The following CUX2 variants were observed in gnomAD, a reference collection of about 807,000 sequenced individuals.
CUX2 encodes the protein homeobox protein cut-like 2.
Under a neutral mutation model 144.8 loss-of-function variants are expected in CUX2, and 40 were observed. The ratio of observed to expected loss-of-function variants is 0.28; its 90% CI spans 0.21 to 0.36. CUX2 has a LOEUF of 0.36. Ranked by LOEUF, CUX2 falls within the 10% of genes least tolerant of loss-of-function variation. The pLI, the probability that CUX2 is intolerant of heterozygous loss-of-function variation, is 1.00. For missense variants in CUX2, 1,615 were observed against 1,994.0 expected, an observed-to-expected ratio of 0.81 and a Z score of 3.62; for synonymous variants, 827 against 875.6, an observed-to-expected ratio of 0.94 and a Z score of 0.98.
chr12:111,153,963 T>G (rs1426859011), intron 1 of CUX2, among the ~76,000 whole-genome samples: 1 of 152,180 alleles, frequency 6.6e-6, no homozygotes, highest in African/African-American at 2.4e-5. Flanking sequence ...TCATTTCTTC[T>G]GTGTTTCTGG....
At chr12:111,313,900 C>T (rs1389347227) in intron 16 of CUX2, among the ~76,000 whole-genome samples, 1 of 152,204 alleles carries the variant, frequency 6.6e-6, no homozygotes, top group Non-Finnish European at 1.5e-5. Flanking sequence ...GACTGAGACC[C>T]TGGACTCCGG....
intron 1 of CUX2, among the ~76,000 whole-genome samples, chr12:111,173,084 C>T (rs1186238901): frequency 6.6e-6 from 1 of 152,220 alleles, no homozygotes; most frequent in African/African-American, 2.4e-5. Context: ...AGGTTTTTAT[C>T]TGGAAGCTGT....
At chr12:111,238,182 A>G (rs969175861) in intron 3 of CUX2, among the ~76,000 whole-genome samples, 3 of 152,216 alleles carry the variant, frequency 2.0e-5, no homozygotes, top group African/African-American at 4.8e-5. Context: ...AGGACCTTTT[A>G]CAACGCTTAG....
rs558837961 is a variant in CUX2 at position 111,336,730 on chromosome 12, G to A, written c.3197-1556G>A. Reference sequence around the variant, plus strand: ...CCCAAAATGCAGGGGTTACAGGTGTGAGCCACCGTGCCCAGCCCACACTTC... The same window carrying A: ...CCCAAAATGCAGGGGTTACAGGTGTAAGCCACCGTGCCCAGCCCACACTTC... On this transcript the variant is annotated intron_variant, in intron 19 of 21. Transcript: ENST00000261726. Among the ~76,000 whole-genome samples the A allele has an allele frequency of 5.3e-5, 8 of 151,898 alleles. No homozygotes were observed. The South Asian group carries it at 1.0e-3, about 20-fold the overall frequency.
At chr12:111,158,162 G>C (rs1877516026) in intron 1 of CUX2, among the ~76,000 whole-genome samples, 2 of 152,144 alleles carry the variant, frequency 1.3e-5, no homozygotes, top group Admixed American at 1.3e-4. Context: ...TGAAAACGGA[G>C]GATCAGGGAT....
At chr12:111,230,880 G>T (rs975565021) in intron 3 of CUX2, among the ~76,000 whole-genome samples, 1 of 152,132 alleles carries the variant, frequency 6.6e-6, no homozygotes, top group Non-Finnish European at 1.5e-5. Context: ...GTTGACAGGG[G>T]GCTGGGAAGA....
Position 111,276,075 on chromosome 12 carries a change from G to A in CUX2, c.301+12236G>A, listed in dbSNP as rs545749667. On this transcript the variant is annotated intron_variant, in intron 4 of 21. Transcript: ENST00000261726. Reference sequence around the variant, plus strand: ...ATATTTTTAAAAAGTGAGTCAGCCCGGGCACACTAGCTCATGCCTGTAATC... The same window carrying A: ...ATATTTTTAAAAAGTGAGTCAGCCCAGGCACACTAGCTCATGCCTGTAATC... Among the ~76,000 whole-genome samples the A allele has an allele frequency of 3.9e-5, 6 of 152,176 alleles. No homozygotes were observed. In the South Asian group the frequency reaches 1.2e-3, roughly 32 times the overall value.
At chr12:111,074,616 C>G (rs1035017685) in intron 1 of CUX2, among the ~76,000 whole-genome samples, 1 of 152,008 alleles carries the variant, frequency 6.6e-6, no homozygotes, top group Admixed American at 6.5e-5. Flanking sequence ...AGCCCAGAGC[C>G]TGCCCTGACT....
At chr12:111,285,601 A>G (rs997652354) in intron 4 of CUX2, among the ~76,000 whole-genome samples, 3 of 152,112 alleles carry the variant, frequency 2.0e-5, no homozygotes, top group African/African-American at 7.2e-5. Context: ...AAGTTCTCTC[A>G]AGCACCCCAT....
chr12:111,334,848 C>T (rs1461203204), intron 19 of CUX2, 138 bp downstream of exon 19: 24 of 951,640 alleles, frequency 2.5e-5, no homozygotes, highest in Admixed American at 1.2e-4. Context: ...GAGGGAGGAT[C>T]GCTTGAGGCC....
At chr12:111,341,178 C>T (rs1318449797) in intron 20 of CUX2, among the ~76,000 whole-genome samples, 9 of 152,204 alleles carry the variant, frequency 5.9e-5, no homozygotes. Context: ...CCTGTAGTCC[C>T]ACCTACTCAG....
At chr12:111,175,996 G>A (rs1878831137) in intron 1 of CUX2, among the ~76,000 whole-genome samples, 1 of 151,602 alleles carries the variant, frequency 6.6e-6, no homozygotes, top group Admixed American at 6.6e-5. Context: ...CTAGATTGGG[G>A]GGAGAACTGA....
intron 1 of CUX2, among the ~76,000 whole-genome samples, chr12:111,083,399 T>C (rs956340174): frequency 6.6e-6 from 1 of 152,056 alleles, no homozygotes; most frequent in African/African-American, 2.4e-5. Context: ...GTCCAAGGTC[T>C]AGGGCCTGAT....
chr12:111,165,322 G>A (rs2136157213), intron 1 of CUX2, among the ~76,000 whole-genome samples: 1 of 152,302 alleles, frequency 6.6e-6, no homozygotes, highest in South Asian at 2.1e-4. Context: ...GACCCACATG[G>A]CAGGACGTCT....
chr12:111,224,286 C>A lies in CUX2; in HGVS notation c.222+6349C>A, dbSNP rs1882010837. On this transcript the variant is annotated intron_variant, in intron 3 of 21. Transcript: ENST00000261726. ...GGGTAGTCCTAACCTTGGAGAAGAC[C>A]TTTCTAGTGGGTCACTTCCTGTGCT... 2.6e-5 allele frequency among the ~76,000 whole-genome samples: 4 copies of A among 151,936 alleles called. No individual in the cohort carries two copies. The South Asian group carries it at 8.3e-4, about 32-fold the overall frequency.
intron 4 of CUX2, among the ~76,000 whole-genome samples, chr12:111,278,832 C>T (rs1222008745): frequency 1.8e-4 from 27 of 152,166 alleles, no homozygotes; most frequent in Admixed American, 1.7e-3. Context: ...ACAAAGTAAA[C>T]GGGAGGCCCT....
intron 1 of CUX2, among the ~76,000 whole-genome samples, chr12:111,087,003 T>C (rs1872259608): frequency 6.6e-6 from 1 of 152,182 alleles, no homozygotes; most frequent in Non-Finnish European, 1.5e-5. Flanking sequence ...ACATACTTTT[T>C]ATAGCCTATG....
chr12:111,320,085 C>A lies in CUX2; in HGVS notation c.2076C>A (p.Ala692=). The A allele has an allele frequency of 6.4e-7, 1 of 1,556,526 alleles. No individual in the cohort carries two copies. The part of the protein sequence containing the change: ...GTTPASTSED[A]IKSILEQARR... ...CCCCCGCCAGCACCTCGGAGGACGC[C>A]ATCAAGAGCATCCTGGAGCAGGCAC... The change falls in exon 17 of 22, where the codon GCC becomes GCA. Residue 692 remains alanine, a synonymous_variant. Coordinates refer to ENST00000261726, the MANE Select transcript of CUX2 (RefSeq NM_015267.4). The surrounding 1 kb of genome is among the most constrained non-coding windows in gnomAD (Gnocchi z 8.1).
chr12:111,298,165 C>T (rs1353482058), intron 8 of CUX2, among the ~76,000 whole-genome samples: 3 of 152,170 alleles, frequency 2.0e-5, no homozygotes, highest in Admixed American at 6.5e-5. Context: ...GGCTGGGCAG[C>T]GCAGTAAACA....
Sources: allele counts gnomAD v4.1 joint callset (sites outside exome capture counted in the v4.1 genomes callset), GRCh38; gene constraint gnomAD v4.1.1; non-coding constraint Gnocchi (gnomAD v3.1); transcripts MANE v1.5; gene names NCBI Gene and HGNC (gene_info 2026-07-23, HGNC 2026-07-21).